TMEM132D: variants seen among roughly 807,000 people sequenced by gnomAD.
TMEM132D encodes the protein transmembrane protein 132D.
In TMEM132D, 21 loss-of-function variants were observed where a neutral mutation model predicts 62.3. The observed-to-expected ratio is 0.34, with a 90% confidence interval of 0.24 to 0.49. TMEM132D has a LOEUF of 0.49. Ranked by LOEUF, TMEM132D falls within the 20% of genes least tolerant of loss-of-function variation. The probability of loss-of-function intolerance (pLI) is 0.99; values close to 1 mark genes in which losing one functional copy is unlikely to be tolerated. For synonymous variants in TMEM132D, 621 were observed against 575.6 expected (o/e 1.08, Z -1.13); for missense variants, 1,346 against 1,402.8 (o/e 0.96, Z 0.65).
chr12:129,600,044 A>G (rs950460644), intron 2 of TMEM132D, among the ~76,000 whole-genome samples: 56 of 152,342 alleles, frequency 3.7e-4, no homozygotes, highest in African/African-American at 1.3e-3. Context: ...ATTTCTCTGT[A>G]GCATGCGATG....
intron 4 of TMEM132D, among the ~76,000 whole-genome samples, chr12:129,278,624 C>A (rs1881060537): frequency 6.6e-6 from 1 of 152,134 alleles, no homozygotes; most frequent in Non-Finnish European, 1.5e-5. Flanking sequence ...GACTGCCGTT[C>A]AAATGAGGTC....
chr12:129,367,325 G>A (rs1870447013), intron 3 of TMEM132D, among the ~76,000 whole-genome samples: 1 of 152,204 alleles, frequency 6.6e-6, no homozygotes, highest in Non-Finnish European at 1.5e-5. Context: ...GGGCAGGAAG[G>A]TATGAGTGAG....
At chr12:129,500,872 T>C (rs1875118951) in intron 3 of TMEM132D, among the ~76,000 whole-genome samples, 1 of 152,150 alleles carries the variant, frequency 6.6e-6, no homozygotes, top group Non-Finnish European at 1.5e-5. Context: ...TGATAAACCA[T>C]CCACCAAGCA....
intron 4 of TMEM132D, among the ~76,000 whole-genome samples, chr12:129,267,664 C>T (rs554498446): frequency 3.9e-5 from 6 of 152,180 alleles, no homozygotes; most frequent in Admixed American, 6.5e-5. Flanking sequence ...ACTTTCTTCA[C>T]AGAATTGGAA....
rs144667827 is a variant in TMEM132D, at chr12:129,206,076, T to C, written c.1443+3444A>G. 4.3e-3 allele frequency among the ~76,000 whole-genome samples: 659 copies of C among 152,176 alleles called. 4 individuals are homozygous for C. Among genetic ancestry groups the C allele is most frequent in the African/African-American group, 0.015 (632 of 41,492 alleles). ...TTCATGAGGAAGATGCCAAAAGCAA[T>C]TGCAACAAAAACAAAAATTGACAAA... On this transcript the variant is annotated intron_variant, in intron 5 of 8. Coordinates refer to ENST00000422113, the MANE Select transcript of TMEM132D (RefSeq NM_133448.3).
At chr12:129,238,636 A>G (rs1879850277) in intron 4 of TMEM132D, among the ~76,000 whole-genome samples, 1 of 152,198 alleles carries the variant, frequency 6.6e-6, no homozygotes, top group Non-Finnish European at 1.5e-5. Context: ...AGCTTCACTT[A>G]TATTGTAGCA....
intron 3 of TMEM132D, among the ~76,000 whole-genome samples, chr12:129,419,966 C>G (rs1436874783): frequency 6.6e-6 from 1 of 152,142 alleles, no homozygotes; most frequent in East Asian, 1.9e-4. Flanking sequence ...GACCATAGGT[C>G]ATCATCTGCC....
intron 4 of TMEM132D, among the ~76,000 whole-genome samples, chr12:129,316,333 G>T (rs1038773487): frequency 1.3e-5 from 2 of 152,132 alleles, no homozygotes; most frequent in Non-Finnish European, 2.9e-5. Flanking sequence ...CAGAGGTTTT[G>T]ATTGGTTGTG....
intron 3 of TMEM132D, among the ~76,000 whole-genome samples, chr12:129,432,238 G>C (rs1180312290): frequency 6.6e-6 from 1 of 151,314 alleles, no homozygotes; most frequent in Non-Finnish European, 1.5e-5. Context: ...TGGATGGATG[G>C]ATGGATGGTT....
Position 129,445,119 on chromosome 12 carries a change from G to T in TMEM132D, c.1115+85940C>A, listed in dbSNP as rs183837408. On this transcript the variant is annotated intron_variant, in intron 3 of 8. Transcript: ENST00000422113. ...TGAAAGACTGGATAAAGAAAATGTG[G>T]TATATAAACACCATGAAAGAACAAT... Among the ~76,000 whole-genome samples the T allele has an allele frequency of 1.5e-3, 226 of 152,228 alleles. 2 individuals are homozygous for T. Among genetic ancestry groups the T allele is most frequent in the African/African-American group, 5.0e-3 (206 of 41,540 alleles).
At chr12:129,096,732 T>C (rs1036054692) in intron 5 of TMEM132D, among the ~76,000 whole-genome samples, 3 of 152,190 alleles carry the variant, frequency 2.0e-5, no homozygotes, top group African/African-American at 7.2e-5. Context: ...AGGGATATTC[T>C]GGAGTTTTTG....
intron 1 of TMEM132D, among the ~76,000 whole-genome samples, chr12:129,860,395 C>G (rs184054939): frequency 6.6e-6 from 1 of 152,296 alleles, no homozygotes; most frequent in Admixed American, 6.5e-5. Context: ...TAGATTGATA[C>G]ATTACAAATG....
intron 1 of TMEM132D, among the ~76,000 whole-genome samples, chr12:129,812,816 C>T (rs890466449): frequency 6.6e-6 from 1 of 151,728 alleles, no homozygotes; most frequent in Non-Finnish European, 1.5e-5. Flanking sequence ...TCCATACTGT[C>T]TCCCTAAGAG....
intron 3 of TMEM132D, among the ~76,000 whole-genome samples, chr12:129,530,626 A>G (rs1876189460): frequency 6.6e-6 from 1 of 152,226 alleles, no homozygotes; most frequent in African/African-American, 2.4e-5. Context: ...AATCATATGC[A>G]TTGTATTTAA....
chr12:129,651,030 C>A (rs1879914193), intron 2 of TMEM132D, among the ~76,000 whole-genome samples: 1 of 152,200 alleles, frequency 6.6e-6, no homozygotes, highest in African/African-American at 2.4e-5. Context: ...TTATAAGCAT[C>A]TGACTGTGGT....
At chr12:129,089,825 G>A (rs1874847619) in intron 5 of TMEM132D, among the ~76,000 whole-genome samples, 1 of 152,238 alleles carries the variant, frequency 6.6e-6, no homozygotes, top group Admixed American at 6.5e-5. Flanking sequence ...CCAGGACACA[G>A]GGGGCAGGGA....
chr12:129,529,632 C>T (rs1002639839), intron 3 of TMEM132D, among the ~76,000 whole-genome samples: 6 of 152,120 alleles, frequency 3.9e-5, no homozygotes, highest in Non-Finnish European at 7.4e-5. Context: ...GAAAGTTCAC[C>T]GGTTGAGATT....
intron 1 of TMEM132D, among the ~76,000 whole-genome samples, chr12:129,782,302 G>A (rs775768782): frequency 2.6e-5 from 4 of 152,120 alleles, no homozygotes; most frequent in Non-Finnish European, 5.9e-5. Flanking sequence ...TTTTCGGATC[G>A]GGAGATGTTC....
Position 129,371,193 on chromosome 12 carries a change from T to C in TMEM132D, c.1116-33376A>G, listed in dbSNP as rs1455217676. Among the ~76,000 whole-genome samples, 1 of 152,210 alleles carries C rather than the reference T, an allele frequency of 6.6e-6. No homozygotes were observed. The highest frequency in any genetic ancestry group is 2.4e-5 in the African/African-American group (1 of 41,458). On this transcript the variant is annotated intron_variant, in intron 3 of 8. Transcript: ENST00000422113. This position sits in a 1 kb window ranked among gnomAD's most constrained non-coding sequence, Gnocchi z 4.3. ...CTTGCTAAAACAAAGTCACACTGACTAAGTTTTCAAAAATATTACTTTTTA... is the reference window on the plus strand; with the variant it reads ...CTTGCTAAAACAAAGTCACACTGACCAAGTTTTCAAAAATATTACTTTTTA...
Sources: allele counts gnomAD v4.1 joint callset (sites outside exome capture counted in the v4.1 genomes callset), GRCh38; gene constraint gnomAD v4.1.1; non-coding constraint Gnocchi (gnomAD v3.1); transcripts MANE v1.5; gene names NCBI Gene and HGNC (gene_info 2026-07-23, HGNC 2026-07-21).